Variants in ABCG1 observed in about 807,000 individuals in gnomAD.
ABCG1 encodes the protein ATP-binding cassette sub-family G member 1.
Under a neutral mutation model 69.2 loss-of-function variants are expected in ABCG1, and 29 were observed. That is an observed-to-expected ratio of 0.42 (90% CI 0.31 to 0.57). ABCG1 has a LOEUF of 0.57. Ranked by LOEUF, ABCG1 falls within the 20% of genes least tolerant of loss-of-function variation. The pLI is 0.15. For synonymous variants in ABCG1, 370 were observed against 374.8 expected (o/e 0.99, Z 0.15); for missense variants, 718 against 898.1 (o/e 0.80, Z 2.56).
At chr21:42,230,391 G>T (rs1199834168) in intron 2 of ABCG1, among the ~76,000 whole-genome samples, 2 of 152,240 alleles carry the variant, frequency 1.3e-5, no homozygotes, top group African/African-American at 4.8e-5. Flanking sequence ...CACGTAGCTT[G>T]TGTTGATGGG....
At chr21:42,227,926 A>G (rs1297843164) in intron 2 of ABCG1, among the ~76,000 whole-genome samples, 1 of 152,152 alleles carries the variant, frequency 6.6e-6, no homozygotes, top group Non-Finnish European at 1.5e-5. Flanking sequence ...TGAGAACAGC[A>G]TGAGGGAACC....
intron 2 of ABCG1, among the ~76,000 whole-genome samples, chr21:42,239,756 G>A (rs768001561): frequency 3.9e-5 from 6 of 152,208 alleles, no homozygotes; most frequent in Non-Finnish European, 7.4e-5. Context: ...GCCAGCTTCC[G>A]GTTGGGGCAG....
chr21:42,208,325 C>G (rs2067559944), intron 2 of ABCG1, among the ~76,000 whole-genome samples: 1 of 151,940 alleles, frequency 6.6e-6, no homozygotes, highest in Non-Finnish European at 1.5e-5. Context: ...ATCTAGGGAC[C>G]TCACCACAGT....
rs555336170 is a variant in ABCG1, at chr21:42,296,518, G to A, written c.*126G>A. 32 of 854,126 alleles carry A rather than the reference G, an allele frequency of 3.7e-5. No homozygotes were observed. The highest frequency in any genetic ancestry group is 3.4e-4 in the Middle Eastern group (1 of 2,908). 52.9% of individuals were successfully genotyped at this position (854,126 alleles called of 1,614,324 possible). On this transcript the variant is annotated 3_prime_UTR_variant, in exon 15 of 15. Transcript: ENST00000398449. This position sits in a 1 kb window ranked among gnomAD's most constrained non-coding sequence, Gnocchi z 5.4. The stretch of plus-strand genomic sequence containing the variant: ...CTTCTGATCCAACCCCTAGAACCGC[G>A]TTGGGTTTGTGGGTGTCTCGTGCTC...
intron 13 of ABCG1, among the ~76,000 whole-genome samples, chr21:42,293,870 C>CCACACCA (rs1305322143): frequency 1.4e-5 from 2 of 147,376 alleles, no homozygotes; most frequent in East Asian, 4.1e-4. Context: ...ACACTACACA[C>CCACACCA]CACACCACAC....
intron 6 of ABCG1, among the ~76,000 whole-genome samples, chr21:42,283,659 C>G (rs1028324709): frequency 4.2e-5 from 6 of 142,306 alleles, no homozygotes; most frequent in African/African-American, 1.1e-4. Context: ...AGTCCCCCCC[C>G]ACCCAAATGA....
intron 1 of ABCG1, among the ~76,000 whole-genome samples, chr21:42,201,271 C>G (rs1245301423): frequency 6.8e-6 from 1 of 147,726 alleles, no homozygotes; most frequent in Non-Finnish European, 1.5e-5. Context: ...CTTAGATCAT[C>G]AGGCATTAGT....
chr21:42,270,564 T>G (rs898322572), intron 2 of ABCG1, among the ~76,000 whole-genome samples: 3 of 152,132 alleles, frequency 2.0e-5, no homozygotes, highest in Non-Finnish European at 4.4e-5. Context: ...CATATATACA[T>G]AATTTATACT....
intron 2 of ABCG1, among the ~76,000 whole-genome samples, chr21:42,228,173 C>T (rs148599345): frequency 3.2e-4 from 49 of 152,268 alleles, no homozygotes; most frequent in African/African-American, 7.2e-4. Context: ...GAGCGCAGCC[C>T]GGGCGGGGTG....
intron 5 of ABCG1, among the ~76,000 whole-genome samples, chr21:42,280,880 C>A (rs1235568026): frequency 6.6e-6 from 1 of 152,252 alleles, no homozygotes; most frequent in Non-Finnish European, 1.5e-5. Flanking sequence ...GGGAAGAGGG[C>A]TCTGCCCACC....
chr21:42,271,413 C>T (rs572017615), intron 3 of ABCG1, among the ~76,000 whole-genome samples: 132 of 152,256 alleles, frequency 8.7e-4, no homozygotes, highest in Non-Finnish European at 1.1e-3. Flanking sequence ...ACAGCAGCAC[C>T]CTGGATGAGC....
At chr21:42,228,676 G>C (rs2067855845) in intron 2 of ABCG1, among the ~76,000 whole-genome samples, 1 of 152,198 alleles carries the variant, frequency 6.6e-6, no homozygotes, top group Non-Finnish European at 1.5e-5. Context: ...GGGGTGCCAG[G>C]GTCCATGTAG....
chr21:42,288,023 C>T lies in ABCG1; in HGVS notation c.1108C>T (p.Arg370Trp), dbSNP rs757151743. Residue 370 changes from arginine (R) to tryptophan (W), a missense_variant, in exon 9 of 15, where the codon CGG becomes TGG. By Grantham distance (101) the Arg-to-Trp change is moderately radical. Around this residue, in one of 2 missense-constraint regions of ABCG1, gnomAD observed 514 missense variants for 574.3 expected, o/e 0.90. Transcript: ENST00000398449. The surrounding 1 kb of genome is among the most constrained non-coding windows in gnomAD (Gnocchi z 4.8). Reference sequence around the variant, plus strand: ...CGAGGTGAACCCTTTTCTTTGGCACCGGCCCTCTGAAGAGGTAAAGCAGAC... The same window carrying T: ...CGAGGTGAACCCTTTTCTTTGGCACTGGCCCTCTGAAGAGGTAAAGCAGAC... Reference protein sequence around the residue: ...DAEVNPFLWHRPSEEDSSSME... With the variant: ...DAEVNPFLWHWPSEEDSSSME... The T allele has an allele frequency of 2.6e-5, 42 of 1,610,834 alleles. No individual in the cohort carries two copies. The highest frequency in any genetic ancestry group is 1.6e-4 in the East Asian group (7 of 44,782).
At chr21:42,282,061 C>CTG (rs1471799957) in intron 5 of ABCG1, among the ~76,000 whole-genome samples, 4 of 152,370 alleles carry the variant, frequency 2.6e-5, no homozygotes, top group Non-Finnish European at 4.4e-5. Flanking sequence ...TGGGCAGTCT[C>CTG]TGTCCCTCAT....
At chr21:42,293,862 A>G (rs892435307) in intron 13 of ABCG1, among the ~76,000 whole-genome samples, 1 of 142,910 alleles carries the variant, frequency 7.0e-6, no homozygotes, top group Non-Finnish European at 1.5e-5. Context: ...AACATCACAC[A>G]CTACACACCA....
At chr21:42,256,127 C>A in intron 2 of ABCG1, 4 of 1,373,980 alleles carry the variant, frequency 2.9e-6, no homozygotes, top group East Asian at 5.4e-5. Flanking sequence ...CCTTCCCAAG[C>A]CTCTCCCTGT....
chr21:42,228,212 A>T (rs2067848006), intron 2 of ABCG1, among the ~76,000 whole-genome samples: 2 of 152,176 alleles, frequency 1.3e-5, no homozygotes, highest in African/African-American at 2.4e-5. Flanking sequence ...GCCCTACAGT[A>T]ACCTTGTGTG....
chr21:42,216,364 A>T (rs1189847376), upstream of ABCG1, among the ~76,000 whole-genome samples: 1 of 149,898 alleles, frequency 6.7e-6, no homozygotes, highest in Non-Finnish European at 1.5e-5. Flanking sequence ...GGTCCTGTCG[A>T]GAGCTCCCCT....
Position 42,288,384 on chromosome 21 carries a change from A to G in ABCG1, c.1224+72A>G, listed in dbSNP as rs2068989324. 8.7e-7 allele frequency: 1 copy of G among 1,146,698 alleles called. No homozygotes were observed. Among genetic ancestry groups the G allele is most frequent in the East Asian group, 2.4e-5 (1 of 41,430 alleles). 71.0% of individuals were successfully genotyped at this position (1,146,698 alleles called of 1,614,324 possible). A position where few individuals can be genotyped will look rare whatever the true frequency, so the allele number is the denominator to read the frequency against. Reference sequence around the variant, plus strand: ...ATTTTCTCAGACTCGTCCTGACGGAATGTGTTCGTTCATTCTCACATTGCT... The same window carrying G: ...ATTTTCTCAGACTCGTCCTGACGGAGTGTGTTCGTTCATTCTCACATTGCT... On this transcript the variant is annotated intron_variant, in intron 10 of 14. Coordinates refer to ENST00000398449, the MANE Select transcript of ABCG1 (RefSeq NM_016818.3). The surrounding 1 kb of genome is among the most constrained non-coding windows in gnomAD (Gnocchi z 4.8).
Sources: gnomAD v4.1 joint callset for allele counts (sites outside exome capture counted in the v4.1 genomes callset) on GRCh38, gnomAD v4.1.1 for gene constraint, gnomAD v4.1.1 regional missense constraint, Gnocchi (gnomAD v3.1) non-coding constraint, MANE v1.5 for transcripts, NCBI Gene and HGNC (gene_info 2026-07-23, HGNC 2026-07-21) for gene names.